The following XKR9 variants were observed in gnomAD, a reference collection of about 807,000 sequenced individuals.
The protein encoded by XKR9 is XK-related protein 9.
A neutral mutation model predicts 32.0 loss-of-function variants in XKR9; 32 were observed. That is an observed-to-expected ratio of 1.00 (90% confidence interval 0.76 to 1.34). XKR9 has a LOEUF of 1.34. Ranked by LOEUF, XKR9 falls within the 40% of genes most tolerant of loss-of-function variation. XKR9 has a pLI of 0.00. For synonymous variants in XKR9, 168 were observed against 143.4 expected (o/e 1.17, Z -1.22); for missense variants, 546 against 429.7 (o/e 1.27, Z -2.39).
the XKR9 span, among the ~76,000 whole-genome samples, chr8:71,026,540 A>G: frequency 6.6e-6 from 1 of 152,216 alleles, no homozygotes; most frequent in Non-Finnish European, 1.5e-5. Context: ...TCCAGAGTGC[A>G]AAGGTGGGAA....
chr8:70,752,357 G>T (rs914274895), intron 2 of XKR9, among the ~76,000 whole-genome samples: 1 of 152,160 alleles, frequency 6.6e-6, no homozygotes, highest in Non-Finnish European at 1.5e-5. Context: ...GATTTTAGAG[G>T]CTGGGTGGTT....
chr8:70,718,472 G>T (rs1395810242), intron 4 of XKR9, among the ~76,000 whole-genome samples: 1 of 151,708 alleles, frequency 6.6e-6, no homozygotes, highest in African/African-American at 2.4e-5. Context: ...TTGTCCCCTT[G>T]CCCCTGATGC....
At chr8:70,697,808 T>C (rs1399103572) in intron 3 of XKR9, among the ~76,000 whole-genome samples, 1 of 152,004 alleles carries the variant, frequency 6.6e-6, no homozygotes, top group South Asian at 2.1e-4. Flanking sequence ...TGAATCCATC[T>C]GGTCCTGGAC....
At chr8:71,025,627 A>T in the XKR9 span, among the ~76,000 whole-genome samples, 65,834 of 152,006 alleles carry the variant, frequency 0.43, 15,315 homozygotes, top group Non-Finnish European at 0.53. Flanking sequence ...AAGCATGTCC[A>T]AGGCTCCCTG....
the XKR9 span, among the ~76,000 whole-genome samples, chr8:71,008,712 G>A: frequency 4.1e-4 from 62 of 152,036 alleles, no homozygotes; most frequent in Middle Eastern, 3.2e-3. Context: ...CTGCAGTCTC[G>A]ACCTCCTGAG....
chr8:71,022,826 C>G, the XKR9 span, among the ~76,000 whole-genome samples: 1 of 152,110 alleles, frequency 6.6e-6, no homozygotes, highest in African/African-American at 2.4e-5. Flanking sequence ...TGAGATATTT[C>G]AAAAGACCTG....
At chr8:70,691,307 A>G (rs528334352) in intron 3 of XKR9, among the ~76,000 whole-genome samples, 2 of 152,296 alleles carry the variant, frequency 1.3e-5, no homozygotes, top group East Asian at 1.9e-4. Context: ...GATACTGGGT[A>G]TTAGACCTTT....
the XKR9 span, among the ~76,000 whole-genome samples, chr8:70,869,018 G>T: frequency 6.6e-6 from 1 of 152,132 alleles, no homozygotes; most frequent in East Asian, 1.9e-4. Context: ...GTTTGCTCCA[G>T]TTCCCAACAA....
At position 70,710,342 on chromosome 8, in the gene XKR9, A is replaced by G. The variant is rs193047116; in HGVS notation, c.493+3189A>G. On this transcript the variant is annotated intron_variant, in intron 4 of 4. Transcript: ENST00000408926. ...AAATGAAGAATTATAAAAACTCTAG[A>G]AGAAAATCTAGGAAATACCATTCTG... 8.5e-5 allele frequency among the ~76,000 whole-genome samples: 13 copies of G among 152,338 alleles called. No homozygotes were observed. In the East Asian group the frequency reaches 1.7e-3, roughly 20 times the overall value.
chr8:70,679,005 C>G (rs1045115199), intron 2 of XKR9, among the ~76,000 whole-genome samples: 1 of 152,146 alleles, frequency 6.6e-6, no homozygotes, highest in Non-Finnish European at 1.5e-5. Flanking sequence ...TTTGACAGTT[C>G]TGGACACTGG....
intron 2 of XKR9, among the ~76,000 whole-genome samples, chr8:70,771,393 CA>C (rs1158128492): frequency 2.2e-4 from 34 of 152,310 alleles, no homozygotes; most frequent in African/African-American, 8.2e-4. Flanking sequence ...GCCTGACTTT[CA>C]AGACTGTTTT....
At chr8:70,901,287 T>A in the XKR9 span, among the ~76,000 whole-genome samples, 1 of 152,186 alleles carries the variant, frequency 6.6e-6, no homozygotes, top group Non-Finnish European at 1.5e-5. Flanking sequence ...AGTGTTAAAG[T>A]GTTCCTATTT....
the XKR9 span, among the ~76,000 whole-genome samples, chr8:71,013,938 A>C: frequency 6.6e-6 from 1 of 152,104 alleles, no homozygotes; most frequent in African/African-American, 2.4e-5. Context: ...CCCCACCCTT[A>C]GTCACACCCA....
chr8:70,849,983 G>A, the XKR9 span, among the ~76,000 whole-genome samples: 48,131 of 138,848 alleles, frequency 0.35, 8,986 homozygotes, highest in Non-Finnish European at 0.45. Flanking sequence ...TTAATAGCCT[G>A]CCAAAAAAAA....
chr8:70,961,105 G>A, the XKR9 span, among the ~76,000 whole-genome samples: 1 of 152,296 alleles, frequency 6.6e-6, no homozygotes, highest in Admixed American at 6.5e-5. Context: ...GGGAGGCGGA[G>A]GTTGTAGTGA....
At chr8:70,722,036 C>T (rs547609492) in intron 4 of XKR9, among the ~76,000 whole-genome samples, 2 of 152,186 alleles carry the variant, frequency 1.3e-5, no homozygotes, top group East Asian at 1.9e-4. Flanking sequence ...GCATTGATCC[C>T]TTTACCAATA....
chr8:70,714,220 T>C (rs1456901054), intron 4 of XKR9, among the ~76,000 whole-genome samples: 1 of 152,138 alleles, frequency 6.6e-6, no homozygotes, highest in African/African-American at 2.4e-5. Context: ...AGGCTGTATG[T>C]CAAAATATAG....
At chr8:70,820,530 G>A in the XKR9 span, among the ~76,000 whole-genome samples, 11,042 of 152,168 alleles carry the variant, frequency 0.073, 474 homozygotes, top group Non-Finnish European at 0.089. Context: ...TTAACAACCA[G>A]CTTGTATTAG....
the XKR9 span, among the ~76,000 whole-genome samples, chr8:70,963,115 T>C: frequency 6.6e-6 from 1 of 152,002 alleles, no homozygotes; most frequent in African/African-American, 2.4e-5. Context: ...TGCTCCCCCT[T>C]CCCCCAGTCC....
Sources: gnomAD v4.1 joint callset for allele counts (sites outside exome capture counted in the v4.1 genomes callset) on GRCh38, gnomAD v4.1.1 for gene constraint, MANE v1.5 for transcripts, NCBI Gene and HGNC (gene_info 2026-07-23, HGNC 2026-07-21) for gene names.